The following NAA20 variants were observed in gnomAD, a reference collection of about 807,000 sequenced individuals.
NAA20 encodes N-alpha-acetyltransferase 20.
NAA20 carries 24 observed loss-of-function variants against 23.8 expected under a neutral mutation model. The observed-to-expected ratio is 1.01, with a 90% confidence interval of 0.73 to 1.42. The LOEUF is 1.42. NAA20 is among the 40% of genes most tolerant of loss of function. The probability of loss-of-function intolerance (pLI) is 0.00; values close to 1 mark genes in which losing one functional copy is unlikely to be tolerated. For synonymous variants in NAA20, 83 were observed against 77.7 expected, an observed-to-expected ratio of 1.07 and a Z score of -0.36; for missense variants, 166 against 223.1, an observed-to-expected ratio of 0.74 and a Z score of 1.63.
At chr20:20,018,025 A>G (rs2043243267) in intron 1 of NAA20, 2 of 1,614,204 alleles carry the variant, frequency 1.2e-6, no homozygotes, top group African/African-American at 1.3e-5. Flanking sequence ...CCTGCAGCAG[A>G]TGCTGTCTCA....
chr20:20,017,954 A>G, intron 1 of NAA20: 1 of 1,613,632 alleles, frequency 6.2e-7, no homozygotes. Flanking sequence ...TACATCGTGA[A>G]GCCCACCTGG....
At chr20:20,024,215 A>T (rs1601126590) in intron 2 of NAA20, among the ~76,000 whole-genome samples, 1 of 152,236 alleles carries the variant, frequency 6.6e-6, no homozygotes, top group Non-Finnish European at 1.5e-5. Flanking sequence ...CATTTGGAAT[A>T]AGATTCACAC....
chr20:20,028,427 G>A (rs6112719), intron 4 of NAA20, among the ~76,000 whole-genome samples: 1,756 of 152,062 alleles, frequency 0.012, 23 homozygotes, highest in African/African-American at 0.04. Flanking sequence ...CATGGCACGC[G>A]TATACCTATG....
At chr20:20,030,548 G>C (rs773320601) in intron 4 of NAA20, among the ~76,000 whole-genome samples, 68 of 152,134 alleles carry the variant, frequency 4.5e-4, no homozygotes, top group Non-Finnish European at 8.1e-4. Flanking sequence ...GCACAGGAAA[G>C]CAGGAAAAAA....
intron 4 of NAA20, 60 bp from the exon 5 acceptor site, chr20:20,032,448 C>G: frequency 6.5e-7 from 1 of 1,545,018 alleles, no homozygotes; most frequent in Non-Finnish European, 8.8e-7. Context: ...AAATATGTAT[C>G]TATTACTTTC....
At position 20,026,230 on chromosome 20, in the gene NAA20, C is replaced by T. The variant is rs373477686; in HGVS notation, c.169+463C>T. Among the ~76,000 whole-genome samples the T allele has an allele frequency of 1.2e-4, 18 of 151,472 alleles. No homozygotes were observed. In the East Asian group the frequency reaches 2.1e-3, roughly 18 times the overall value. On this transcript the variant is annotated intron_variant, in intron 3 of 5. Coordinates refer to ENST00000334982, the MANE Select transcript of NAA20 (RefSeq NM_016100.5). ...TGAGGCGGGAGAATCACTTGAACCC[C>T]GGAGGCAGAACTTGCAGTGGGCTGA...
chr20:20,030,563 C>T (rs766332066), intron 4 of NAA20, among the ~76,000 whole-genome samples: 4 of 151,812 alleles, frequency 2.6e-5, no homozygotes, highest in South Asian at 4.1e-4. Context: ...AAAAAATAAA[C>T]GATAGGAGGA....
At chr20:20,025,231 A>G (rs575628940) in intron 2 of NAA20, among the ~76,000 whole-genome samples, 4 of 152,340 alleles carry the variant, frequency 2.6e-5, no homozygotes, top group Admixed American at 1.3e-4. Context: ...AGTAGGAACT[A>G]CCCATTAATT....
At chr20:20,022,387 T>C in intron 1 of NAA20, 69 bp from the exon 2 acceptor site, 1 of 1,463,394 alleles carries the variant, frequency 6.8e-7, no homozygotes, top group South Asian at 1.2e-5. Flanking sequence ...ACTGTTAGCT[T>C]TAGCAGGCTT....
At chr20:20,024,544 A>G (rs964674511) in intron 2 of NAA20, among the ~76,000 whole-genome samples, 1 of 152,244 alleles carries the variant, frequency 6.6e-6, no homozygotes. Flanking sequence ...AAGTTTCACT[A>G]TATAGGAAGG....
At chr20:20,021,152 G>GA (rs1192850478) in intron 1 of NAA20, among the ~76,000 whole-genome samples, 1 of 152,044 alleles carries the variant, frequency 6.6e-6, no homozygotes, top group Non-Finnish European at 1.5e-5. Flanking sequence ...GGGCAGACAA[G>GA]AGGAGATAAA....
At chr20:20,031,385 G>C (rs188808520) in intron 4 of NAA20, among the ~76,000 whole-genome samples, 237 of 151,340 alleles carry the variant, frequency 1.6e-3, no homozygotes, top group Admixed American at 3.0e-3. Context: ...GTCCCTATGG[G>C]AAAAAAAAAT....
At chr20:20,017,709 C>T (rs2043240980) in intron 1 of NAA20, 2 of 1,426,850 alleles carry the variant, frequency 1.4e-6, no homozygotes, top group Admixed American at 5.8e-5. Context: ...TGCGAGCTGG[C>T]AGGTTCTGGG....
At chr20:20,030,181 T>C (rs1568749424) in intron 4 of NAA20, among the ~76,000 whole-genome samples, 1 of 152,164 alleles carries the variant, frequency 6.6e-6, no homozygotes, top group Non-Finnish European at 1.5e-5. Context: ...TGGCAAAATA[T>C]GGGAAAGGAA....
intron 1 of NAA20, chr20:20,018,584 G>A (rs866562662): frequency 6.2e-6 from 1 of 162,038 alleles, no homozygotes; most frequent in East Asian, 1.7e-4. Flanking sequence ...TTGAAGTGCG[G>A]TCAGACAACT....
chr20:20,018,798 T>C (rs2043248795), intron 1 of NAA20: 1 of 649,120 alleles, frequency 1.5e-6, no homozygotes, highest in African/African-American at 2.0e-5. Flanking sequence ...TCACGATTCT[T>C]TGAGGTGCTG....
rs770557497 is a variant in NAA20, at chr20:20,017,462, C to A, written c.53+13C>A. 1 of 1,604,998 alleles carries A rather than the reference C, an allele frequency of 6.2e-7. No homozygotes were observed. Among genetic ancestry groups the A allele is most frequent in the Non-Finnish European group, 8.5e-7 (1 of 1,176,974 alleles). ...GCTTCAACAACATGTGAGTGACACGCGCCTAGGGCCAGCCGCTCTTGGCCG... is the reference window on the plus strand; with the variant it reads ...GCTTCAACAACATGTGAGTGACACGAGCCTAGGGCCAGCCGCTCTTGGCCG... On this transcript the variant is annotated intron_variant, in intron 1 of 5. Transcript: ENST00000334982.
At chr20:20,021,199 C>T (rs2043266077) in intron 1 of NAA20, among the ~76,000 whole-genome samples, 1 of 152,084 alleles carries the variant, frequency 6.6e-6, no homozygotes, top group Non-Finnish European at 1.5e-5. Context: ...GGAGTGACTC[C>T]CTGCACTGTA....
intron 4 of NAA20, among the ~76,000 whole-genome samples, chr20:20,031,569 C>G (rs746177845): frequency 9.9e-5 from 15 of 152,130 alleles, no homozygotes; most frequent in Admixed American, 9.8e-4. Context: ...TTCATATATT[C>G]AGCTTCACTG....
Sources: gnomAD v4.1 joint callset for allele counts (sites outside exome capture counted in the v4.1 genomes callset) on GRCh38, gnomAD v4.1.1 for gene constraint, MANE v1.5 for transcripts, NCBI Gene and HGNC (gene_info 2026-07-23, HGNC 2026-07-21) for gene names.